Variants in GALNTL6 observed in about 807,000 individuals in gnomAD.
GALNTL6 encodes the protein polypeptide N-acetylgalactosaminyltransferase like 6, also known as polypeptide N-acetylgalactosaminyltransferase-like 6.
Under a neutral mutation model 73.7 loss-of-function variants are expected in GALNTL6, and 46 were observed. The ratio of observed to expected loss-of-function variants is 0.62; its 90% CI spans 0.49 to 0.80. GALNTL6 has a LOEUF of 0.80. Among genes scored for constraint, GALNTL6 ranks in the 30% least tolerant of loss-of-function variants. The pLI is 0.00. For missense variants in GALNTL6, 604 were observed against 755.0 expected (o/e 0.80, Z 2.34); for synonymous variants, 259 against 263.7 (o/e 0.98, Z 0.17).
At chr4:172,050,621 G>A (rs909687783) in intron 2 of GALNTL6, among the ~76,000 whole-genome samples, 6 of 152,132 alleles carry the variant, frequency 3.9e-5, no homozygotes, top group African/African-American at 1.4e-4. Flanking sequence ...CCCATTTGGT[G>A]TGGATCCAGG....
At chr4:172,130,673 G>C (rs1289852309) in intron 2 of GALNTL6, among the ~76,000 whole-genome samples, 1 of 152,012 alleles carries the variant, frequency 6.6e-6, no homozygotes, top group Non-Finnish European at 1.5e-5. Context: ...TTTGTTGTTA[G>C]AAACTGTTAG....
Position 172,028,363 on chromosome 4 carries a change from A to G in GALNTL6, c.139-201293A>G, listed in dbSNP as rs1168345384. Among the ~76,000 whole-genome samples, 3 of 152,094 alleles carry G rather than the reference A, an allele frequency of 2.0e-5. No individual in the cohort carries two copies. The East Asian group carries it at 5.8e-4, about 29-fold the overall frequency. ...AACATCTTCAGCAAATATGGAATGA[A>G]TTTTATAAGAAGTTACCTTTGAGAA... On this transcript the variant is annotated intron_variant, in intron 2 of 12. Transcript: ENST00000506823.
At chr4:172,530,360 C>T (rs755663717) in intron 5 of GALNTL6, among the ~76,000 whole-genome samples, 15 of 152,146 alleles carry the variant, frequency 9.9e-5, no homozygotes, top group Admixed American at 7.9e-4. Context: ...AAATGCTACT[C>T]GCCTACCTTC....
intron 9 of GALNTL6, among the ~76,000 whole-genome samples, chr4:172,944,477 G>C (rs1165407897): frequency 6.6e-6 from 1 of 152,150 alleles, no homozygotes; most frequent in Non-Finnish European, 1.5e-5. Context: ...ACCACATGTT[G>C]GAGTAACTGG....
At chr4:172,608,626 T>C (rs1180274779) in intron 5 of GALNTL6, among the ~76,000 whole-genome samples, 1 of 152,210 alleles carries the variant, frequency 6.6e-6, no homozygotes, top group African/African-American at 2.4e-5. Flanking sequence ...TTTTCTCTTT[T>C]TTTTGGTTTT....
At chr4:171,908,126 A>G (rs1004531052) in intron 2 of GALNTL6, among the ~76,000 whole-genome samples, 5 of 152,256 alleles carry the variant, frequency 3.3e-5, no homozygotes, top group African/African-American at 9.6e-5. Context: ...AATGGCAACC[A>G]AAGCCAAAAC....
chr4:172,446,155 C>A (rs1732012019), intron 5 of GALNTL6, among the ~76,000 whole-genome samples: 1 of 152,088 alleles, frequency 6.6e-6, no homozygotes, highest in African/African-American at 2.4e-5. Context: ...TATACATAAT[C>A]TCACTTTATC....
At chr4:172,176,519 A>G (rs939662103) in intron 2 of GALNTL6, among the ~76,000 whole-genome samples, 3 of 151,976 alleles carry the variant, frequency 2.0e-5, no homozygotes, top group African/African-American at 7.3e-5. Context: ...AGGAACCATG[A>G]TGCTTCCTGC....
At chr4:171,856,386 G>T (rs1034896112) in intron 2 of GALNTL6, among the ~76,000 whole-genome samples, 1 of 151,728 alleles carries the variant, frequency 6.6e-6, no homozygotes, top group Non-Finnish European at 1.5e-5. Context: ...AAGTGCTGAG[G>T]TTACACATGT....
At chr4:172,050,471 TG>T (rs753701678) in intron 2 of GALNTL6, among the ~76,000 whole-genome samples, 2 of 152,120 alleles carry the variant, frequency 1.3e-5, no homozygotes, top group African/African-American at 2.4e-5. Flanking sequence ...AAATTTGGGG[TG>T]GGCAGAAAAG....
At chr4:171,975,400 C>G (rs72993069) in intron 2 of GALNTL6, among the ~76,000 whole-genome samples, 86 of 151,976 alleles carry the variant, frequency 5.7e-4, no homozygotes, top group African/African-American at 2.0e-3. Context: ...TACTGAGTGG[C>G]CTAAAAAAGA....
chr4:172,832,683 G>A (rs1245671099), intron 7 of GALNTL6, among the ~76,000 whole-genome samples: 2 of 152,148 alleles, frequency 1.3e-5, no homozygotes, highest in African/African-American at 4.8e-5. Context: ...AGGAGCAAGG[G>A]GGTCAGTGGG....
chr4:172,265,470 A>G (rs1185244261), intron 3 of GALNTL6, among the ~76,000 whole-genome samples: 1 of 152,066 alleles, frequency 6.6e-6, no homozygotes, highest in Non-Finnish European at 1.5e-5. Context: ...CATCAATCAA[A>G]ATATTAAAGA....
intron 2 of GALNTL6, among the ~76,000 whole-genome samples, chr4:171,961,654 A>T (rs2111048045): frequency 6.6e-6 from 1 of 152,346 alleles, no homozygotes; most frequent in Admixed American, 6.5e-5. Context: ...CTGTTATTAG[A>T]TTTCAGTTTC....
At chr4:172,002,312 T>C (rs940110013) in intron 2 of GALNTL6, among the ~76,000 whole-genome samples, 1 of 152,124 alleles carries the variant, frequency 6.6e-6, no homozygotes, top group Admixed American at 6.6e-5. Flanking sequence ...CTAATGCAAT[T>C]AGTGCCCTTA....
intron 2 of GALNTL6, among the ~76,000 whole-genome samples, chr4:172,197,268 G>A (rs538886861): frequency 4.0e-5 from 6 of 151,894 alleles, no homozygotes; most frequent in South Asian, 2.1e-4. Flanking sequence ...AACTACAAAC[G>A]ACTGCTCAAA....
At chr4:172,522,671 C>CT (rs1561120626) in intron 5 of GALNTL6, among the ~76,000 whole-genome samples, 4 of 62,544 alleles carry the variant, frequency 6.4e-5, no homozygotes, top group African/African-American at 1.3e-4. Flanking sequence ...TCAGTCCCCC[C>CT]CCCCCCCAAA....
intron 7 of GALNTL6, among the ~76,000 whole-genome samples, chr4:172,877,816 A>G (rs752187958): frequency 2.6e-5 from 4 of 151,968 alleles, no homozygotes; most frequent in Admixed American, 6.6e-5. Context: ...TTGTATTAGT[A>G]GCAAAATTCA....
chr4:172,938,959 C>T (rs1286214974), intron 9 of GALNTL6, among the ~76,000 whole-genome samples: 1 of 152,160 alleles, frequency 6.6e-6, no homozygotes, highest in African/African-American at 2.4e-5. Flanking sequence ...AGATGATTCA[C>T]ATACTGCAAT....
Sources: gnomAD v4.1 joint callset for allele counts (sites outside exome capture counted in the v4.1 genomes callset) on GRCh38, gnomAD v4.1.1 for gene constraint, MANE v1.5 for transcripts, NCBI Gene and HGNC (gene_info 2026-07-23, HGNC 2026-07-21) for gene names.